Variants in GMEB2 observed in about 807,000 individuals in gnomAD.
GMEB2 encodes glucocorticoid modulatory element binding protein 2.
In GMEB2, 7 loss-of-function variants were observed where a neutral mutation model predicts 45.7. The observed-to-expected ratio is 0.15, with a 90% CI of 0.09 to 0.29. GMEB2 has a LOEUF of 0.29. GMEB2 is among the 10% of genes least tolerant of loss of function. GMEB2 has a pLI of 1.00. For synonymous variants in GMEB2, 322 were observed against 323.6 expected (o/e 1.00, Z 0.05); for missense variants, 582 against 739.2 (o/e 0.79, Z 2.47).
intron 1 of GMEB2, among the ~76,000 whole-genome samples, chr20:63,621,342 C>G (rs6089940): frequency 6.6e-6 from 1 of 152,070 alleles, no homozygotes; most frequent in Admixed American, 6.6e-5. Context: ...TGCACAATCA[C>G]TGTGGCTGTT....
intron 5 of GMEB2, among the ~76,000 whole-genome samples, chr20:63,596,362 A>G (rs1333519949): frequency 1.3e-5 from 2 of 152,228 alleles, no homozygotes; most frequent in Non-Finnish European, 1.5e-5. Context: ...CCGGAGGTCC[A>G]GGGTCTCAGT....
chr20:63,620,355 G>A (rs1185993489), intron 1 of GMEB2, among the ~76,000 whole-genome samples: 1 of 152,244 alleles, frequency 6.6e-6, no homozygotes, highest in Non-Finnish European at 1.5e-5. Context: ...TGGCCCAAGA[G>A]TGTGGGGGCT....
chr20:63,626,243 G>T (rs13043527), intron 1 of GMEB2, among the ~76,000 whole-genome samples: 520 of 12,302 alleles, frequency 0.042, 14 homozygotes, highest in Middle Eastern at 0.14. Flanking sequence ...CCTGCGGGTC[G>T]CGTCCCTGCG....
At chr20:63,595,226 C>T (rs1401456634) in intron 6 of GMEB2, among the ~76,000 whole-genome samples, 2 of 122,876 alleles carry the variant, frequency 1.6e-5, no homozygotes, top group Non-Finnish European at 3.2e-5. Flanking sequence ...CGCGCAGTTC[C>T]GTAAACCGCC....
rs998392880 is a variant in GMEB2 at position 63,592,352 on chromosome 20, G to A, written c.829+181C>T. Among the ~76,000 whole-genome samples the A allele has an allele frequency of 1.3e-5, 2 of 152,274 alleles. No homozygotes were observed. Among genetic ancestry groups the A allele is most frequent in the East Asian group, 3.9e-4 (2 of 5,192 alleles). On this transcript the variant is annotated intron_variant, in intron 8 of 9. Coordinates refer to ENST00000370077, the MANE Select transcript of GMEB2 (RefSeq NM_012384.5). This position sits in a 1 kb window ranked among gnomAD's most constrained non-coding sequence, Gnocchi z 8.2. ...GAGCTCAGTTCAGAGGGAGAAGACT[G>A]AGATACATCAAGGCGATCCTCCCAC...
intron 2 of GMEB2, among the ~76,000 whole-genome samples, chr20:63,614,218 A>G (rs2089591603): frequency 6.6e-6 from 1 of 152,206 alleles, no homozygotes; most frequent in Admixed American, 6.5e-5. Context: ...AGTTTGTAGC[A>G]ATTACTCTTT....
At chr20:63,612,161 T>C (rs1208718210) in intron 2 of GMEB2, among the ~76,000 whole-genome samples, 1 of 152,094 alleles carries the variant, frequency 6.6e-6, no homozygotes, top group Non-Finnish European at 1.5e-5. Context: ...GGAAAAAATA[T>C]AAAAAATAGA....
chr20:63,597,731 G>C, intron 5 of GMEB2, 26 bp downstream of exon 5: 1 of 1,288,392 alleles, frequency 7.8e-7, no homozygotes, highest in South Asian at 1.2e-5. Context: ...TTCCAGCAGG[G>C]AGGCTGACCC....
intron 2 of GMEB2, among the ~76,000 whole-genome samples, chr20:63,613,896 C>T (rs748536184): frequency 2.6e-5 from 4 of 152,210 alleles, no homozygotes; most frequent in Middle Eastern, 3.4e-3. Context: ...GATGCTCCTG[C>T]GACATGTTCG....
intron 2 of GMEB2, among the ~76,000 whole-genome samples, chr20:63,617,461 C>G: frequency 6.6e-6 from 1 of 152,336 alleles, no homozygotes; most frequent in East Asian, 1.9e-4. Context: ...CTCTGCTGTT[C>G]AGGCCACGCG....
chr20:63,610,993 G>T (rs2089565676), intron 2 of GMEB2, among the ~76,000 whole-genome samples: 1 of 152,230 alleles, frequency 6.6e-6, no homozygotes, highest in Non-Finnish European at 1.5e-5. Flanking sequence ...GCCCGGATAT[G>T]CAAGTGAGCC....
chr20:63,616,932 G>T (rs963240270), intron 2 of GMEB2, among the ~76,000 whole-genome samples: 1 of 151,738 alleles, frequency 6.6e-6, no homozygotes, highest in Non-Finnish European at 1.5e-5. Flanking sequence ...TTTAAATGAG[G>T]TCATATAAGT....
chr20:63,616,211 A>T (rs2089607650), intron 2 of GMEB2, among the ~76,000 whole-genome samples: 1 of 152,186 alleles, frequency 6.6e-6, no homozygotes, highest in South Asian at 2.1e-4. Flanking sequence ...TGGGAGGCTG[A>T]GGCAGGCAGA....
At chr20:63,600,396 G>A (rs1248988342) in intron 4 of GMEB2, among the ~76,000 whole-genome samples, 2 of 151,742 alleles carry the variant, frequency 1.3e-5, no homozygotes, top group African/African-American at 4.8e-5. Flanking sequence ...GCATGCAGCT[G>A]CCTTGCTCTT....
intron 2 of GMEB2, among the ~76,000 whole-genome samples, chr20:63,618,050 G>A (rs992582601): frequency 1.6e-4 from 24 of 152,238 alleles, no homozygotes; most frequent in East Asian, 3.8e-4. Context: ...CCCAGCAGCC[G>A]CGGCCACGGC....
At chr20:63,607,068 C>T (rs2089525449) in intron 2 of GMEB2, among the ~76,000 whole-genome samples, 2 of 150,176 alleles carry the variant, frequency 1.3e-5, no homozygotes, top group Non-Finnish European at 3.0e-5. Context: ...CCCCTCTGAC[C>T]CACCTCCATT....
At position 63,624,951 on chromosome 20, in the gene GMEB2, C is replaced by G. The variant is rs186783402; in HGVS notation, c.-58+2005G>C. On this transcript the variant is annotated intron_variant, in intron 1 of 9. Transcript: ENST00000370077. ...TCGATCTCCTGACCTCGTGATCCGC[C>G]CGCCTCTGCCTCCCAAAGTGCTGGG... Among the ~76,000 whole-genome samples, 1,496 of 152,094 alleles carry G rather than the reference C, an allele frequency of 9.8e-3. 27 individuals carry two copies. Among genetic ancestry groups the G allele is most frequent in the African/African-American group, 0.034 (1,431 of 41,488 alleles).
chr20:63,611,684 G>C (rs1294991376), intron 2 of GMEB2, among the ~76,000 whole-genome samples: 1 of 152,068 alleles, frequency 6.6e-6, no homozygotes, highest in Non-Finnish European at 1.5e-5. Flanking sequence ...AGTGGAGCTA[G>C]AAGGTTCTTC....
Position 63,619,176 on chromosome 20 carries a change from A to C in GMEB2, c.131+91T>G. On this transcript the variant is annotated intron_variant, in intron 2 of 9. Coordinates refer to ENST00000370077, the MANE Select transcript of GMEB2 (RefSeq NM_012384.5). The surrounding 1 kb of genome is among the most constrained non-coding windows in gnomAD (Gnocchi z 4.6). ...GAACTGGAACTAGAAAAATCCTGACACTTGTCCCTTACTACGTTAATGCCA... is the reference window on the plus strand; with the variant it reads ...GAACTGGAACTAGAAAAATCCTGACCCTTGTCCCTTACTACGTTAATGCCA... 1 of 1,274,362 alleles carries C rather than the reference A, an allele frequency of 7.8e-7. No homozygotes were observed. 78.9% of individuals were successfully genotyped at this position (1,274,362 alleles called of 1,614,324 possible).
Sources: allele counts gnomAD v4.1 joint callset (sites outside exome capture counted in the v4.1 genomes callset), GRCh38; gene constraint gnomAD v4.1.1; non-coding constraint Gnocchi (gnomAD v3.1); transcripts MANE v1.5; gene names NCBI Gene and HGNC (gene_info 2026-07-23, HGNC 2026-07-21).